The following RBMS2 variants were observed in gnomAD, a reference collection of about 807,000 sequenced individuals.
The protein encoded by RBMS2 is RNA binding motif single stranded interacting protein 2, also known as RNA-binding motif, single-stranded-interacting protein 2.
Under a neutral mutation model 58.4 loss-of-function variants are expected in RBMS2, and 38 were observed. The ratio of observed to expected loss-of-function variants is 0.65; its 90% CI spans 0.50 to 0.85. RBMS2 has a LOEUF of 0.85. RBMS2 is among the 40% of genes least tolerant of loss of function. RBMS2 has a pLI of 0.00. For synonymous variants in RBMS2, 151 were observed against 180.7 expected, an observed-to-expected ratio of 0.84 and a Z score of 1.32; for missense variants, 367 against 503.7, an observed-to-expected ratio of 0.73 and a Z score of 2.60.
intron 7 of RBMS2, 154 bp from the exon 8 acceptor site, chr12:56,581,679 C>A: frequency 8.7e-7 from 1 of 1,151,292 alleles, no homozygotes. Context: ...GGCTTTGCGG[C>A]CTGCACAATT....
At chr12:56,577,891 C>T (rs369999055) in intron 5 of RBMS2, among the ~76,000 whole-genome samples, 1 of 152,108 alleles carries the variant, frequency 6.6e-6, no homozygotes, top group Non-Finnish European at 1.5e-5. Flanking sequence ...CCATGTTGCC[C>T]AGGCTGGTCT....
chr12:56,530,145 C>T lies in RBMS2; in HGVS notation c.66+8056C>T, dbSNP rs1173624367. ...CTTGTCTCAAACCCCTGGGCTCAAG[C>T]GATCCTCCTGCCTTGGCCTCCCAGA... On this transcript the variant is annotated intron_variant, in intron 1 of 13. Transcript: ENST00000262031. 3.3e-5 allele frequency among the ~76,000 whole-genome samples: 5 copies of T among 151,862 alleles called. No individual in the cohort carries two copies. In the South Asian group the frequency reaches 8.3e-4, roughly 25 times the overall value.
intron 5 of RBMS2, among the ~76,000 whole-genome samples, chr12:56,572,523 A>T (rs1294528999): frequency 6.6e-6 from 1 of 152,010 alleles, no homozygotes; most frequent in African/African-American, 2.4e-5. Context: ...GAAGTACTCT[A>T]GGCTTTGTTC....
At chr12:56,561,270 G>A (rs747513402) in intron 1 of RBMS2, among the ~76,000 whole-genome samples, 2 of 151,946 alleles carry the variant, frequency 1.3e-5, no homozygotes, top group Non-Finnish European at 2.9e-5. Flanking sequence ...TATTCCTTTG[G>A]GTATATACAC....
In RBMS2 at chr12:56,572,761, G is replaced by C. The variant is rs574804402; in HGVS notation, c.542+906G>C. The C allele has an allele frequency of 8.1e-6, 8 of 984,524 alleles. No individual in the cohort carries two copies. In the East Asian group the frequency reaches 4.5e-4, roughly 56 times the overall value. 61.0% of individuals were successfully genotyped at this position (984,524 alleles called of 1,614,324 possible). A position where few individuals can be genotyped will look rare whatever the true frequency, so the allele number is the denominator to read the frequency against. Reference sequence around the variant, plus strand: ...CTTCTGGCTTTGAGAGCAGTAGGATGAGGTAGAAGTTTTGATCTTCCTTTT... The same window carrying C: ...CTTCTGGCTTTGAGAGCAGTAGGATCAGGTAGAAGTTTTGATCTTCCTTTT... On this transcript the variant is annotated intron_variant, in intron 5 of 13. Transcript: ENST00000262031.
In RBMS2 at chr12:56,592,087, C is replaced by T. The variant is rs1229294097; in HGVS notation, c.*2954C>T. On this transcript the variant is annotated 3_prime_UTR_variant, in exon 14 of 14. Transcript: ENST00000262031. ...GATACTGTTTCTCCCATGAAATAGT[C>T]TAATTGGTTGGGTTGATGGCAGAAG... is the stretch of plus-strand genomic sequence containing the variant. 1 of 152,070 alleles carries T rather than the reference C, an allele frequency of 6.6e-6. No individual in the cohort carries two copies. Among genetic ancestry groups the T allele is most frequent in the African/African-American group, 2.4e-5 (1 of 41,394 alleles). The allele number at this position is 152,070 out of a possible 1,614,324, so 9.4% of individuals were successfully genotyped here.
At position 56,579,669 on chromosome 12, in the gene RBMS2, A is replaced by G. The variant is rs148541806; in HGVS notation, c.543-1515A>G. Among the ~76,000 whole-genome samples, 233 of 152,266 alleles carry G rather than the reference A, an allele frequency of 1.5e-3. 1 individual carries two copies. Among genetic ancestry groups the G allele is most frequent in the African/African-American group, 4.9e-3 (202 of 41,570 alleles). On this transcript the variant is annotated intron_variant, in intron 5 of 13. Coordinates refer to ENST00000262031, the MANE Select transcript of RBMS2 (RefSeq NM_002898.4). ...AAAAAATCTTTTATAGGAATGGTTCATATTTCTGGTGGTCATTGGCACAGA... is the reference window on the plus strand; with the variant it reads ...AAAAAATCTTTTATAGGAATGGTTCGTATTTCTGGTGGTCATTGGCACAGA...
chr12:56,593,472 G>A lies in RBMS2; in HGVS notation c.*4339G>A, dbSNP rs1592530750. The A allele has an allele frequency of 2.0e-5, 3 of 152,364 alleles. No individual in the cohort carries two copies. In the Middle Eastern group the frequency reaches 0.01, roughly 511 times the overall value. 9.4% of individuals were successfully genotyped at this position (152,364 alleles called of 1,614,324 possible). On this transcript the variant is annotated 3_prime_UTR_variant, in exon 14 of 14. Coordinates refer to ENST00000262031, the MANE Select transcript of RBMS2 (RefSeq NM_002898.4). ...TCGTCTCGAACTCCTGGGCTCAAAT[G>A]ATCCACCCACCTCGGCCTCCCAAAG...
At chr12:56,533,595 T>C (rs1387531566) in intron 1 of RBMS2, among the ~76,000 whole-genome samples, 2 of 151,282 alleles carry the variant, frequency 1.3e-5, no homozygotes, top group African/African-American at 2.4e-5. Context: ...TTTGTGTTTT[T>C]AGTAGAGACA....
In RBMS2 at chr12:56,569,551, C is replaced by T. The variant is rs372421570; in HGVS notation, c.293-348C>T. On this transcript the variant is annotated intron_variant, in intron 3 of 13. Transcript: ENST00000262031. ...GAGGCTGCATTCCCTACATGCCTAGCATTTCTGGGGTATATCAAGAAAAGA... is the reference window on the plus strand; with the variant it reads ...GAGGCTGCATTCCCTACATGCCTAGTATTTCTGGGGTATATCAAGAAAAGA... 1.2e-4 allele frequency among the ~76,000 whole-genome samples: 19 copies of T among 152,128 alleles called. 1 individual carries two copies. Among genetic ancestry groups the T allele is most frequent in the Admixed American group, 5.2e-4 (8 of 15,250 alleles).
At chr12:56,586,994 T>G (rs1884759749) in intron 10 of RBMS2, 68 bp downstream of exon 10, 1 of 1,475,478 alleles carries the variant, frequency 6.8e-7, no homozygotes, top group Non-Finnish European at 9.5e-7. Context: ...GGCTGGGCAC[T>G]GTGGCTCACG....
At chr12:56,572,889 G>A in intron 5 of RBMS2, 1 of 985,180 alleles carries the variant, frequency 1.0e-6, no homozygotes, top group Non-Finnish European at 1.2e-6. Flanking sequence ...ATTCAGATGA[G>A]TAATTTTCCC....
chr12:56,558,521 A>T (rs1879726207), intron 1 of RBMS2, among the ~76,000 whole-genome samples: 2 of 148,686 alleles, frequency 1.3e-5, no homozygotes, highest in African/African-American at 4.9e-5. Context: ...GGTGCTACTA[A>T]AGTTGCTTTC....
At chr12:56,588,157 GA>G (rs1296077855) in intron 11 of RBMS2, 136 bp from the exon 12 acceptor site, 27 of 690,158 alleles carry the variant, frequency 3.9e-5, no homozygotes, top group Non-Finnish European at 9.9e-6. Flanking sequence ...GTGCTTTTAA[GA>G]TGCAAATGCT....
At chr12:56,580,177 C>T (rs985428505) in intron 5 of RBMS2, 20 of 354,800 alleles carry the variant, frequency 5.6e-5, no homozygotes, top group Admixed American at 1.1e-4. Context: ...GTGATCCGCC[C>T]GCCTCAGCCT....
At chr12:56,545,669 G>A (rs1877028750) in intron 1 of RBMS2, among the ~76,000 whole-genome samples, 1 of 152,066 alleles carries the variant, frequency 6.6e-6, no homozygotes. Flanking sequence ...TATATAGATG[G>A]AATCATGCAA....
chr12:56,540,818 T>C (rs1875945324), intron 1 of RBMS2, among the ~76,000 whole-genome samples: 1 of 152,116 alleles, frequency 6.6e-6, no homozygotes, highest in South Asian at 2.1e-4. Flanking sequence ...ACCTAAATAT[T>C]GGCTGGGCTT....
At chr12:56,524,860 C>T (rs906601565) in intron 1 of RBMS2, among the ~76,000 whole-genome samples, 1 of 151,680 alleles carries the variant, frequency 6.6e-6, no homozygotes, top group African/African-American at 2.4e-5. Context: ...GTTGGGATTA[C>T]AGGTGCCCGC....
In RBMS2 at chr12:56,589,266, C is replaced by A. The variant is rs145048657; in HGVS notation, c.*133C>A. ...CTGCTAAGGACTAACACTTAGCCAT[C>A]GTTTTTCACAGGCCTGGGCCTGGAA... On this transcript the variant is annotated 3_prime_UTR_variant, in exon 14 of 14. Transcript: ENST00000262031. The A allele has an allele frequency of 2.1e-6, 3 of 1,441,772 alleles. No homozygotes were observed. In the Admixed American group the frequency reaches 6.3e-5, roughly 30 times the overall value. The allele number at this position is 1,441,772 out of a possible 1,614,324, so 89.3% of individuals were successfully genotyped here. A position where few individuals can be genotyped will look rare whatever the true frequency, so the allele number is the denominator to read the frequency against.
Sources: gnomAD v4.1 joint callset for allele counts (sites outside exome capture counted in the v4.1 genomes callset) on GRCh38, gnomAD v4.1.1 for gene constraint, MANE v1.5 for transcripts, NCBI Gene and HGNC (gene_info 2026-07-23, HGNC 2026-07-21) for gene names.